The following NBEA variants were observed in gnomAD, a reference collection of about 807,000 sequenced individuals.
The protein encoded by NBEA is neurobeachin, also known as lysosomal-trafficking regulator 2.
In NBEA, 44 loss-of-function variants were observed where a neutral mutation model predicts 343.4. The observed-to-expected ratio is 0.13, with a 90% confidence interval of 0.10 to 0.16. The LOEUF (loss-of-function observed/expected upper bound fraction) is 0.16, where lower values mean the gene tolerates loss of function less well. NBEA is among the 10% of genes least tolerant of loss of function. The pLI is 1.00. For synonymous variants in NBEA, 1,175 were observed against 1,238.7 expected (o/e 0.95, Z 1.08); for missense variants, 2,555 against 3,631.3 (o/e 0.70, Z 7.62).
chr13:35,272,987 TCTGCACCAA>T (rs1460728248), intron 34 of NBEA, among the ~76,000 whole-genome samples: 5 of 152,100 alleles, frequency 3.3e-5, no homozygotes, highest in Non-Finnish European at 5.9e-5. Context: ...TGAACTCAGC[TCTGCACCAA>T]GCAGACCTAA....
At chr13:35,476,197 G>T in intron 41 of NBEA, 22 of 1,610,732 alleles carry the variant, frequency 1.4e-5, no homozygotes, top group Non-Finnish European at 1.9e-5. Context: ...GGGATCCAAT[G>T]CGGCTGCTAG....
intron 39 of NBEA, among the ~76,000 whole-genome samples, chr13:35,451,495 C>A (rs1264267123): frequency 6.6e-6 from 1 of 152,168 alleles, no homozygotes; most frequent in Admixed American, 6.5e-5. Context: ...TCACTAATTG[C>A]TAAAGAAATA....
intron 41 of NBEA, among the ~76,000 whole-genome samples, chr13:35,503,060 C>T (rs1237755436): frequency 6.6e-6 from 1 of 152,010 alleles, no homozygotes; most frequent in Non-Finnish European, 1.5e-5. Flanking sequence ...AGTGTAATCA[C>T]AGGCAATATA....
chr13:35,185,732 G>A (rs1416716764), intron 30 of NBEA: 2 of 152,170 alleles, frequency 1.3e-5, no homozygotes, highest in African/African-American at 4.8e-5. Flanking sequence ...CTGAACAGTG[G>A]TGTTAGTAGC....
intron 28 of NBEA, among the ~76,000 whole-genome samples, chr13:35,178,137 A>G (rs2152727444): frequency 6.6e-6 from 1 of 151,796 alleles, no homozygotes; most frequent in East Asian, 1.9e-4. Context: ...TATTAAATAA[A>G]CTAAAAATTT....
intron 33 of NBEA, among the ~76,000 whole-genome samples, chr13:35,217,262 T>A (rs1317707702): frequency 6.6e-6 from 1 of 152,066 alleles, no homozygotes; most frequent in African/African-American, 2.4e-5. Flanking sequence ...TTTGTTATAT[T>A]CAAATACAAG....
intron 1 of NBEA, among the ~76,000 whole-genome samples, chr13:35,015,140 C>CAAA (rs2061610416): frequency 2.9e-5 from 1 of 34,816 alleles, no homozygotes; most frequent in Admixed American, 5.4e-4. Flanking sequence ...AAAAAAAAAA[C>CAAA]AAACAAAAAA....
At chr13:34,957,156 GT>G (rs2059525111) in intron 1 of NBEA, among the ~76,000 whole-genome samples, 1 of 151,794 alleles carries the variant, frequency 6.6e-6, no homozygotes, top group East Asian at 1.9e-4. Context: ...CCTTGCATTT[GT>G]TTTGTTCTCA....
At chr13:35,327,921 ACT>A (rs2038679391) in intron 36 of NBEA, among the ~76,000 whole-genome samples, 1 of 151,860 alleles carries the variant, frequency 6.6e-6, no homozygotes, top group Non-Finnish European at 1.5e-5. Flanking sequence ...TAAAAAAAAA[ACT>A]CTCAGCAAAC....
chr13:35,167,599 C>T (rs1350463191), intron 24 of NBEA, among the ~76,000 whole-genome samples: 8 of 151,758 alleles, frequency 5.3e-5, no homozygotes, highest in East Asian at 1.9e-4. Context: ...TTCAGATCTC[C>T]GAGTTAGACC....
intron 31 of NBEA, among the ~76,000 whole-genome samples, chr13:35,198,793 C>T (rs942117664): frequency 7.3e-5 from 11 of 151,456 alleles, no homozygotes; most frequent in Admixed American, 2.0e-4. Flanking sequence ...GCGCTGATGA[C>T]GGATTGAACA....
At chr13:35,337,286 C>G (rs1252586494) in intron 36 of NBEA, among the ~76,000 whole-genome samples, 1 of 151,974 alleles carries the variant, frequency 6.6e-6, no homozygotes, top group Non-Finnish European at 1.5e-5. Flanking sequence ...TTAATAGACA[C>G]AAACAGGCTG....
In NBEA at chr13:35,176,195, A is replaced by G. The variant is rs531602291; in HGVS notation, c.4555-801A>G. Among the ~76,000 whole-genome samples the G allele has an allele frequency of 1.3e-4, 20 of 152,222 alleles. No individual in the cohort carries two copies. In the South Asian group the frequency reaches 2.5e-3, roughly 19 times the overall value. On this transcript the variant is annotated intron_variant, in intron 27 of 58. Coordinates refer to ENST00000379939, the MANE Select transcript of NBEA (RefSeq NM_001385012.1). ...TTTTACTATGGCGTGCTGCCAAGGA[A>G]TCAAACATTTTAATTTTGGGCTAGA...
At chr13:35,024,463 A>G (rs1340761585) in intron 1 of NBEA, among the ~76,000 whole-genome samples, 1 of 152,006 alleles carries the variant, frequency 6.6e-6, no homozygotes, top group Admixed American at 6.6e-5. Context: ...CCCGAAGTCA[A>G]GAGTTCAAGA....
chr13:35,271,887 A>C (rs1210916038), intron 34 of NBEA, among the ~76,000 whole-genome samples: 1 of 152,242 alleles, frequency 6.6e-6, no homozygotes, highest in Non-Finnish European at 1.5e-5. Flanking sequence ...TGATTGGTGT[A>C]TGTGAAAGTG....
chr13:35,209,501 AC>A (rs2073622021), intron 32 of NBEA, among the ~76,000 whole-genome samples: 1 of 151,882 alleles, frequency 6.6e-6, no homozygotes, highest in Non-Finnish European at 1.5e-5. Context: ...GCCTAAAATA[AC>A]CTTTTTTTTT....
chr13:35,329,052 A>C (rs892533406), intron 36 of NBEA, among the ~76,000 whole-genome samples: 1 of 151,942 alleles, frequency 6.6e-6, no homozygotes, highest in Non-Finnish European at 1.5e-5. Flanking sequence ...CAGACACTAC[A>C]CCAAAGAAGA....
chr13:35,484,970 G>T (rs1055417717), intron 41 of NBEA, among the ~76,000 whole-genome samples: 4 of 151,934 alleles, frequency 2.6e-5, no homozygotes, highest in Non-Finnish European at 5.9e-5. Context: ...AGATCTAAAA[G>T]ACATATTTAT....
In NBEA at chr13:35,204,961, A is replaced by G. The variant is rs531350948; in HGVS notation, c.5367-3739A>G. Among the ~76,000 whole-genome samples the G allele has an allele frequency of 1.8e-4, 27 of 152,302 alleles. No homozygotes were observed. In the South Asian group the frequency reaches 4.8e-3, roughly 27 times the overall value. On this transcript the variant is annotated intron_variant, in intron 31 of 58. Coordinates refer to ENST00000379939, the MANE Select transcript of NBEA (RefSeq NM_001385012.1). ...GTGTAACAATCTGATAGAAGATTTT[A>G]TAAGAGTTGAAAATTTTTACTCTCA...
Sources: gnomAD v4.1 joint callset for allele counts (sites outside exome capture counted in the v4.1 genomes callset) on GRCh38, gnomAD v4.1.1 for gene constraint, MANE v1.5 for transcripts, NCBI Gene and HGNC (gene_info 2026-07-23, HGNC 2026-07-21) for gene names.